FANCA: variants seen among roughly 807,000 people sequenced by gnomAD.
FANCA encodes the protein Fanconi anemia group A protein.
FANCA carries 236 observed loss-of-function variants against 194.3 expected under a neutral mutation model. That is an observed-to-expected ratio of 1.21 (90% CI 1.09 to 1.35). The LOEUF (loss-of-function observed/expected upper bound fraction) is 1.35, where lower values mean the gene tolerates loss of function less well. FANCA is among the 40% of genes most tolerant of loss of function. The pLI is 0.00. For synonymous variants in FANCA, 1,014 were observed against 715.8 expected (o/e 1.42, Z -6.65); for missense variants, 2,628 against 1,813.9 (o/e 1.45, Z -8.15).
chr16:89,796,101 A>C, intron 10 of FANCA, 83 bp from the exon 11 acceptor site: 1 of 1,050,246 alleles, frequency 9.5e-7, no homozygotes, highest in Non-Finnish European at 1.5e-6. Context: ...ACTGTGGCTC[A>C]GGCTCATCCC....
chr16:89,740,711 A>C, intron 38 of FANCA, 93 bp downstream of exon 38: 1 of 1,002,636 alleles, frequency 1.0e-6, no homozygotes. Context: ...CTCCTGAGCT[A>C]GTCTGGAAAC....
intron 28 of FANCA, among the ~76,000 whole-genome samples, chr16:89,764,079 T>C (rs1211208019): frequency 6.6e-6 from 1 of 150,944 alleles, no homozygotes; most frequent in Non-Finnish European, 1.5e-5. Context: ...CCGTCTGTAC[T>C]AAAGATACCA....
chr16:89,780,887 G>C (rs374076605), intron 17 of FANCA, among the ~76,000 whole-genome samples: 2 of 150,396 alleles, frequency 1.3e-5, no homozygotes, highest in South Asian at 4.2e-4. Flanking sequence ...CTGTGATCAC[G>C]GTACTATACT....
chr16:89,787,617 A>G (rs8047486), intron 14 of FANCA, among the ~76,000 whole-genome samples: 1 of 151,628 alleles, frequency 6.6e-6, no homozygotes, highest in Admixed American at 6.6e-5. Flanking sequence ...ACACCTGCGG[A>G]CTCAGCTGCT....
chr16:89,796,051 G>A, intron 10 of FANCA, 33 bp from the exon 11 acceptor site: 1 of 1,551,130 alleles, frequency 6.4e-7, no homozygotes, highest in Non-Finnish European at 8.9e-7. Context: ...GGTCAGGAAA[G>A]GGAGGGTGCC....
Position 89,805,321 on chromosome 16 carries a change from G to A in FANCA, c.668C>T (p.Ala223Val), listed in dbSNP as rs749362808. Residue 223 changes from alanine (A) to valine (V), a missense_variant, in exon 7 of 43, where the codon GCA (alanine) becomes GTA (valine). By Grantham distance (64) the Ala-to-Val change is moderately conservative (BLOSUM62 0). Coordinates refer to ENST00000389301, the MANE Select transcript of FANCA (RefSeq NM_000135.4). ...NLCCLCEQMEASCQHADVARA... is the reference protein window; with the variant it reads ...NLCCLCEQMEVSCQHADVARA... The stretch of plus-strand genomic sequence containing the variant: ...GGCGACGTCAGCATGCTGGCAGGAT[G>A]CTTCCATCTGTTCACAAAGGCAGCA... 1.2e-6 allele frequency: 2 copies of A among 1,614,058 alleles called. No homozygotes were observed. The highest frequency in any genetic ancestry group is 1.7e-6 in the Non-Finnish European group (2 of 1,179,960).
chr16:89,799,527 G>C (rs1052574390), intron 9 of FANCA, 78 bp downstream of exon 9: 1 of 1,366,906 alleles, frequency 7.3e-7, no homozygotes, highest in Non-Finnish European at 1.0e-6. Context: ...ACCTCAAATG[G>C]AAAGGCAGAA....
intron 28 of FANCA, chr16:89,762,798 G>GT (rs1341800226): frequency 2.2e-6 from 1 of 447,484 alleles, no homozygotes; most frequent in Admixed American, 2.4e-5. Context: ...GACCAGCTAA[G>GT]TTTTTTAAAA....
At position 89,799,233 on chromosome 16, in the gene FANCA, C is replaced by A. The variant is rs753728435; in HGVS notation, c.827-1G>T. The A allele has an allele frequency of 1.9e-6, 3 of 1,614,064 alleles. No individual in the cohort carries two copies. The highest frequency in any genetic ancestry group is 2.5e-6 in the Non-Finnish European group (3 of 1,180,038). ...CCAGCAGCCAAAGCGTCAAGTGCAACTGAAGACAGAGCCAGGAACAGAAAA... is the reference window on the plus strand; with the variant it reads ...CCAGCAGCCAAAGCGTCAAGTGCAAATGAAGACAGAGCCAGGAACAGAAAA... On this transcript the variant is annotated splice_acceptor_variant, in intron 9 of 42. Coordinates refer to ENST00000389301, the MANE Select transcript of FANCA (RefSeq NM_000135.4). LOFTEE classifies it high-confidence loss of function.
At chr16:89,795,612 T>C (rs1452052542) in intron 11 of FANCA, among the ~76,000 whole-genome samples, 3 of 152,236 alleles carry the variant, frequency 2.0e-5, no homozygotes, top group African/African-American at 4.8e-5. Context: ...CACTCCAGCA[T>C]GGGCAAGTGA....
intron 5 of FANCA, among the ~76,000 whole-genome samples, chr16:89,808,858 C>T (rs1374688923): frequency 3.9e-5 from 6 of 152,070 alleles, no homozygotes; most frequent in Non-Finnish European, 8.8e-5. Flanking sequence ...GCCTGTCACA[C>T]TGCCCTGATC....
At chr16:89,747,859 G>A (rs530515941) in intron 33 of FANCA, among the ~76,000 whole-genome samples, 6 of 152,216 alleles carry the variant, frequency 3.9e-5, no homozygotes, top group African/African-American at 7.2e-5. Flanking sequence ...GCTGGTATCC[G>A]TCTCCCCAGC....
intron 6 of FANCA, 145 bp from the exon 7 acceptor site, chr16:89,805,537 C>T (rs1448924002): frequency 1.5e-6 from 1 of 659,130 alleles, no homozygotes; most frequent in African/African-American, 1.8e-5. Flanking sequence ...TCAGTCACTG[C>T]ACCCTCGACC....
rs771431342 is a variant in FANCA at position 89,765,069 on chromosome 16, G to GAAAC, written c.2602-7_2602-4dup. On this transcript the variant is annotated splice_polypyrimidine_tract_variant and splice_region_variant and intron_variant, in intron 27 of 42. Coordinates refer to ENST00000389301, the MANE Select transcript of FANCA (RefSeq NM_000135.4). ...AATCTGAACATGAGGAACTGAAACT[G>GAAAC]AAACAGAGAGTGACCCGGCCGTTTC... The GAAAC allele has an allele frequency of 6.2e-7, 1 of 1,614,012 alleles. No individual in the cohort carries two copies. Among genetic ancestry groups the GAAAC allele is most frequent in the South Asian group, 1.1e-5 (1 of 91,032 alleles).
chr16:89,780,113 G>A (rs2039650352), intron 17 of FANCA, among the ~76,000 whole-genome samples, 156 bp from the exon 18 acceptor site: 1 of 152,152 alleles, frequency 6.6e-6, no homozygotes, highest in South Asian at 2.1e-4. Context: ...AGGGGCCCTG[G>A]AGCACTCCAA....
chr16:89,778,880 C>CT, intron 19 of FANCA, 30 bp from the exon 20 acceptor site: 1 of 1,613,836 alleles, frequency 6.2e-7, no homozygotes, highest in Non-Finnish European at 8.5e-7. Context: ...CTGTGAGAGA[C>CT]TGACAAGGAA....
intron 10 of FANCA, among the ~76,000 whole-genome samples, chr16:89,797,146 C>T (rs1475861333): frequency 2.7e-5 from 4 of 150,518 alleles, no homozygotes; most frequent in African/African-American, 4.9e-5. Flanking sequence ...GGCGACAGAG[C>T]GAAATTCTGT....
At chr16:89,805,144 G>A (rs2040590923) in intron 7 of FANCA, 136 bp downstream of exon 7, 1 of 705,940 alleles carries the variant, frequency 1.4e-6, no homozygotes, top group South Asian at 1.5e-5. Context: ...GGCTGAGACT[G>A]GGAGTCTGTC....
chr16:89,791,180 C>T, intron 14 of FANCA: 1 of 611,924 alleles, frequency 1.6e-6, no homozygotes, highest in Non-Finnish European at 2.9e-6. Flanking sequence ...CAGGGAGAAC[C>T]CAGGCTCCTC....
Sources: allele counts gnomAD v4.1 joint callset (sites outside exome capture counted in the v4.1 genomes callset), GRCh38; gene constraint gnomAD v4.1.1; transcripts MANE v1.5; gene names NCBI Gene and HGNC (gene_info 2026-07-23, HGNC 2026-07-21).